Variants in SEL1L3 observed in about 807,000 individuals in gnomAD.
SEL1L3 encodes SEL1L family member 3, also known as protein sel-1 homolog 3.
A neutral mutation model predicts 142.8 loss-of-function variants in SEL1L3; 76 were observed. That is an observed-to-expected ratio of 0.53 (90% CI 0.44 to 0.64). The LOEUF (loss-of-function observed/expected upper bound fraction) is 0.64. SEL1L3 is among the 30% of genes least tolerant of loss of function. SEL1L3 has a pLI of 0.00. For synonymous variants in SEL1L3, 504 were observed against 519.6 expected (o/e 0.97, Z 0.41); for missense variants, 1,262 against 1,381.7 (o/e 0.91, Z 1.37).
the SEL1L3 span, among the ~76,000 whole-genome samples, chr4:25,714,726 A>G: frequency 6.6e-6 from 1 of 151,386 alleles, no homozygotes; most frequent in African/African-American, 2.4e-5. Flanking sequence ...ATGCACCACC[A>G]TGCCCGGCTA....
chr4:25,761,137 A>G (rs1447358985), intron 20 of SEL1L3, among the ~76,000 whole-genome samples: 2 of 152,068 alleles, frequency 1.3e-5, no homozygotes, highest in African/African-American at 4.8e-5. Flanking sequence ...AAAGGAAGGC[A>G]CTCTTAAAAT....
At position 25,847,916 on chromosome 4, in the gene SEL1L3, T is replaced by C. The variant is rs559978818; in HGVS notation, c.163-52A>G. 6 of 1,035,430 alleles carry C rather than the reference T, an allele frequency of 5.8e-6. No homozygotes were observed. The South Asian group carries it at 1.0e-4, about 18-fold the overall frequency. 64.1% of individuals were successfully genotyped at this position (1,035,430 alleles called of 1,614,324 possible). ...AATACAGAAAGTTTAAAAATCCTCA[T>C]CATAACAGATACTTGAATCATTATT... On this transcript the variant is annotated intron_variant, in intron 1 of 23. Coordinates refer to ENST00000399878, the MANE Select transcript of SEL1L3 (RefSeq NM_015187.5).
intron 9 of SEL1L3, among the ~76,000 whole-genome samples, chr4:25,810,962 TG>T (rs1560321037): frequency 1.3e-5 from 2 of 152,056 alleles, no homozygotes; most frequent in African/African-American, 2.4e-5. Flanking sequence ...AAAACACCAG[TG>T]GGAACAGCTG....
intron 7 of SEL1L3, among the ~76,000 whole-genome samples, chr4:25,820,278 C>T (rs188595107): frequency 6.6e-6 from 1 of 151,836 alleles, no homozygotes; most frequent in African/African-American, 2.4e-5. Context: ...CGAAAAGATG[C>T]AAGGGTACCC....
At chr4:25,845,233 T>C (rs1172518408) in intron 2 of SEL1L3, among the ~76,000 whole-genome samples, 1 of 152,166 alleles carries the variant, frequency 6.6e-6, no homozygotes, top group East Asian at 1.9e-4. Context: ...TATTTCAAAA[T>C]AGTTTTAATT....
At chr4:25,845,147 T>C (rs1042996676) in intron 2 of SEL1L3, among the ~76,000 whole-genome samples, 2 of 152,150 alleles carry the variant, frequency 1.3e-5, no homozygotes, top group African/African-American at 4.8e-5. Context: ...TGCACTGTAG[T>C]TATGGAAAAT....
chr4:25,828,771 T>A (rs1256324287), intron 6 of SEL1L3, among the ~76,000 whole-genome samples: 1 of 152,156 alleles, frequency 6.6e-6, no homozygotes, highest in Non-Finnish European at 1.5e-5. Flanking sequence ...CTTTCGTTAA[T>A]AATCAGCATA....
chr4:25,825,734 G>A (rs1256522523), intron 6 of SEL1L3, among the ~76,000 whole-genome samples: 1 of 144,820 alleles, frequency 6.9e-6, no homozygotes, highest in Non-Finnish European at 1.5e-5. Context: ...GAGTGCAGTG[G>A]CGCAATCTCA....
chr4:25,809,248 A>G (rs1248503031), intron 9 of SEL1L3, among the ~76,000 whole-genome samples: 1 of 151,252 alleles, frequency 6.6e-6, no homozygotes, highest in Non-Finnish European at 1.5e-5. Flanking sequence ...GGTTCAAGCA[A>G]TTCTCCTGCC....
At position 25,748,064 on chromosome 4, in the gene SEL1L3, C is replaced by A; in HGVS notation, c.*361G>T. The A allele has an allele frequency of 5.1e-6, 1 of 195,364 alleles. No individual in the cohort carries two copies. Among genetic ancestry groups the A allele is most frequent in the South Asian group, 1.2e-4 (1 of 8,550 alleles). The allele number at this position is 195,364 out of a possible 1,614,324, so 12.1% of individuals were successfully genotyped here. A position where few individuals can be genotyped will look rare whatever the true frequency, so the allele number is the denominator to read the frequency against. On this transcript the variant is annotated 3_prime_UTR_variant, in exon 24 of 24. Transcript: ENST00000399878. ...TGTTCTTCAATAAAGGGATGAAGCA[C>A]GCACTGTGATTCTTAAGACACATCT...
intron 6 of SEL1L3, among the ~76,000 whole-genome samples, chr4:25,823,078 C>T (rs1355435225): frequency 1.3e-5 from 2 of 152,088 alleles, no homozygotes; most frequent in Non-Finnish European, 1.5e-5. Flanking sequence ...AAAGTGTATA[C>T]AAGAAACCAA....
At chr4:25,717,975 G>C in the SEL1L3 span, 1 of 152,062 alleles carries the variant, frequency 6.6e-6, no homozygotes, top group African/African-American at 2.4e-5. Context: ...ATCAGGCATG[G>C]GGGCATGAGC....
the SEL1L3 span, among the ~76,000 whole-genome samples, chr4:25,731,089 G>C: frequency 1.3e-5 from 2 of 152,094 alleles, no homozygotes; most frequent in African/African-American, 4.8e-5. Context: ...CAAGTGTCAG[G>C]GCTGTCTCCA....
intron 9 of SEL1L3, among the ~76,000 whole-genome samples, chr4:25,810,490 A>G (rs1340723982): frequency 6.6e-6 from 1 of 152,214 alleles, no homozygotes; most frequent in Non-Finnish European, 1.5e-5. Context: ...CAAGAAAGTA[A>G]AAGAAGGAAA....
At chr4:25,853,859 A>G (rs935355900) in intron 1 of SEL1L3, among the ~76,000 whole-genome samples, 3 of 151,918 alleles carry the variant, frequency 2.0e-5, no homozygotes, top group African/African-American at 7.3e-5. Context: ...TTCAGTAGAG[A>G]CAGGGTTTTG....
chr4:25,743,190 G>A (rs140078429), downstream of SEL1L3, among the ~76,000 whole-genome samples: 38 of 152,260 alleles, frequency 2.5e-4, no homozygotes, highest in African/African-American at 8.9e-4. Context: ...TTTAGGAGAA[G>A]CCCCAAATCC....
chr4:25,766,757 G>A (rs777544267), intron 19 of SEL1L3, among the ~76,000 whole-genome samples: 28 of 152,108 alleles, frequency 1.8e-4, no homozygotes, highest in Non-Finnish European at 4.0e-4. Context: ...CAGAGACACA[G>A]TCCAAAGCAG....
intron 6 of SEL1L3, among the ~76,000 whole-genome samples, chr4:25,822,674 C>G (rs1714837574): frequency 6.6e-6 from 1 of 152,270 alleles, no homozygotes; most frequent in African/African-American, 2.4e-5. Flanking sequence ...GAGGAGGCCA[C>G]AGCCAGGTCA....
intron 7 of SEL1L3, 26 bp downstream of exon 7, chr4:25,821,970 C>T (rs1477753412): frequency 6.2e-6 from 10 of 1,608,380 alleles, no homozygotes; most frequent in Non-Finnish European, 8.5e-6. Flanking sequence ...AGGAGTACCG[C>T]AATCTTCCTG....
Sources: gnomAD v4.1 joint callset for allele counts (sites outside exome capture counted in the v4.1 genomes callset) on GRCh38, gnomAD v4.1.1 for gene constraint, MANE v1.5 for transcripts, NCBI Gene and HGNC (gene_info 2026-07-23, HGNC 2026-07-21) for gene names.